The following CCL28 variants were observed in gnomAD, a reference collection of about 807,000 sequenced individuals.
CCL28 encodes the protein C-C motif chemokine ligand 28.
A neutral mutation model predicts 7.1 loss-of-function variants in CCL28; 4 were observed. That is an observed-to-expected ratio of 0.56 (90% CI 0.28 to 1.29). The LOEUF (loss-of-function observed/expected upper bound fraction) is 1.29, where lower values mean the gene tolerates loss of function less well. Among genes scored for constraint, CCL28 ranks in the 50% most tolerant of loss-of-function variants. CCL28 has a pLI of 0.11. For synonymous variants in CCL28, 55 were observed against 57.8 expected (o/e 0.95, Z 0.22); for missense variants, 151 against 163.4 (o/e 0.92, Z 0.41).
chr5:43,384,640 C>T (rs1162802484), intron 2 of CCL28, among the ~76,000 whole-genome samples: 2 of 152,016 alleles, frequency 1.3e-5, no homozygotes, highest in Non-Finnish European at 2.9e-5. Context: ...AGGCCAATCC[C>T]CCTTTTTTTT....
intron 1 of CCL28, among the ~76,000 whole-genome samples, chr5:43,407,546 GAAA>G (rs1475056542): frequency 6.6e-6 from 1 of 152,240 alleles, no homozygotes; most frequent in Non-Finnish European, 1.5e-5. Context: ...AACCCTAGAA[GAAA>G]GCCTATGCAA....
intron 2 of CCL28, among the ~76,000 whole-genome samples, chr5:43,385,607 G>A (rs1306349119): frequency 3.3e-5 from 5 of 151,884 alleles, no homozygotes; most frequent in African/African-American, 1.2e-4. Context: ...TTGAACATCA[G>A]GAAACACAAC....
chr5:43,369,715 A>C, the CCL28 span, among the ~76,000 whole-genome samples: 1 of 152,106 alleles, frequency 6.6e-6, no homozygotes, highest in South Asian at 2.1e-4. Context: ...CAGGCCCACC[A>C]CTGTGCCTGG....
rs1740087224 is a variant in CCL28 at position 43,380,943 on chromosome 5, T to C, written c.*917A>G. ...TTACTGGAGTGAAAAAAAAACTACATAAAATGCTCTCTAAATAGTTGGGAA... is the reference window on the plus strand; with the variant it reads ...TTACTGGAGTGAAAAAAAAACTACACAAAATGCTCTCTAAATAGTTGGGAA... On this transcript the variant is annotated 3_prime_UTR_variant, in exon 3 of 3. Coordinates refer to ENST00000361115, the MANE Select transcript of CCL28 (RefSeq NM_148672.3). The C allele has an allele frequency of 2.6e-5, 4 of 152,042 alleles. No individual in the cohort carries two copies. The highest frequency in any genetic ancestry group is 9.7e-5 in the African/African-American group (4 of 41,400). The allele number at this position is 152,042 out of a possible 1,614,324, so 9.4% of individuals were successfully genotyped here.
At chr5:43,405,573 C>T (rs1040725294) in intron 1 of CCL28, among the ~76,000 whole-genome samples, 5 of 152,110 alleles carry the variant, frequency 3.3e-5, no homozygotes, top group East Asian at 1.9e-4. Flanking sequence ...ACCCTAACAT[C>T]ACAATTAAAA....
At chr5:43,383,582 TA>T (rs892483435) in intron 2 of CCL28, among the ~76,000 whole-genome samples, 4 of 150,874 alleles carry the variant, frequency 2.7e-5, no homozygotes, top group Admixed American at 6.6e-5. Flanking sequence ...TAGAGAGTCT[TA>T]AAAAAAAACA....
At chr5:43,376,077 G>A (rs1287651724), downstream of CCL28, among the ~76,000 whole-genome samples, 1 of 152,124 alleles carries the variant, frequency 6.6e-6, no homozygotes, top group Non-Finnish European at 1.5e-5. Flanking sequence ...ACTATCACAT[G>A]GATAATTTCC....
downstream of CCL28, chr5:43,376,608 CTGTGCAGTAACAGACTGATACAT>C (rs1177786251): frequency 6.6e-6 from 1 of 152,242 alleles, no homozygotes; most frequent in Admixed American, 6.5e-5. Flanking sequence ...CATACACCCA[CTGTGCAGTAACAGACTGATACAT>C]TGAGACAGCA....
chr5:43,404,033 T>C (rs1453532414), intron 1 of CCL28, among the ~76,000 whole-genome samples: 1 of 152,206 alleles, frequency 6.6e-6, no homozygotes, highest in African/African-American at 2.4e-5. Context: ...CTACGTCTGA[T>C]TGGTGTATCT....
At chr5:43,369,503 C>A in the CCL28 span, among the ~76,000 whole-genome samples, 6 of 152,158 alleles carry the variant, frequency 3.9e-5, no homozygotes, top group African/African-American at 1.4e-4. Context: ...TGGCTCACTG[C>A]AACCTCCGCC....
chr5:43,408,931 C>T (rs1386980046), intron 1 of CCL28, among the ~76,000 whole-genome samples: 1 of 146,438 alleles, frequency 6.8e-6, no homozygotes, highest in Admixed American at 6.8e-5. Flanking sequence ...CACTCTTTCA[C>T]CCAGGCTGAA....
intron 1 of CCL28, among the ~76,000 whole-genome samples, chr5:43,398,806 T>C (rs887695985): frequency 2.6e-5 from 4 of 151,946 alleles, no homozygotes; most frequent in African/African-American, 9.7e-5. Flanking sequence ...GCCGAGATTG[T>C]GCCACTGCAC....
the CCL28 span, among the ~76,000 whole-genome samples, chr5:43,358,119 C>A: frequency 6.6e-6 from 1 of 152,214 alleles, no homozygotes; most frequent in South Asian, 2.1e-4. Context: ...TTCTGAAGCA[C>A]AATACAGGCC....
At chr5:43,402,923 G>C (rs982974561) in intron 1 of CCL28, among the ~76,000 whole-genome samples, 1 of 152,190 alleles carries the variant, frequency 6.6e-6, no homozygotes, top group Non-Finnish European at 1.5e-5. Context: ...CTAGCACAGC[G>C]GTCTGAGATT....
chr5:43,397,684 G>C (rs187038169), intron 1 of CCL28, among the ~76,000 whole-genome samples: 15 of 152,218 alleles, frequency 9.9e-5, no homozygotes, highest in Non-Finnish European at 1.3e-4. Context: ...TTCACGCCTC[G>C]ATCATCTCTC....
At chr5:43,406,075 G>A (rs1741264062) in intron 1 of CCL28, among the ~76,000 whole-genome samples, 1 of 152,032 alleles carries the variant, frequency 6.6e-6, no homozygotes, top group Admixed American at 6.5e-5. Context: ...GGTACAAGAA[G>A]GAGCTGGTAC....
chr5:43,388,468 G>T lies in CCL28; in HGVS notation c.73C>A (p.Pro25Thr). The T allele has an allele frequency of 6.2e-7, 1 of 1,613,816 alleles. No homozygotes were observed. Among genetic ancestry groups the T allele is most frequent in the Non-Finnish European group, 8.5e-7 (1 of 1,179,948 alleles). The change falls in exon 2 of 3, where the codon CCC (proline) becomes ACC (threonine). Residue 25 changes from proline to threonine, a missense_variant. Physicochemically the swap from Pro to Thr is conservative, Grantham distance 38. Transcript: ENST00000361115. ...TCCGTGCAACAGCTGGAGGCAATGG[G>T]AAGTATGGCTAAAAGAAGAAAAGAA... ...AALHASEAIL[P>T]IASSCCTEVS...
chr5:43,406,210 A>G (rs1030091926), intron 1 of CCL28, among the ~76,000 whole-genome samples: 5 of 152,108 alleles, frequency 3.3e-5, no homozygotes, highest in Admixed American at 6.5e-5. Flanking sequence ...AGAATTTTAG[A>G]CCAATATCCT....
chr5:43,403,138 T>A (rs937532493), intron 1 of CCL28, among the ~76,000 whole-genome samples: 4 of 152,214 alleles, frequency 2.6e-5, no homozygotes, highest in African/African-American at 9.6e-5. Flanking sequence ...TAAACGTCCC[T>A]ATCTGGCAGC....
Sources: allele counts gnomAD v4.1 joint callset (sites outside exome capture counted in the v4.1 genomes callset), GRCh38; gene constraint gnomAD v4.1.1; transcripts MANE v1.5; gene names NCBI Gene and HGNC (gene_info 2026-07-23, HGNC 2026-07-21).